Variants in CTDSP2 observed in about 807,000 individuals in gnomAD.
The protein encoded by CTDSP2 is CTD small phosphatase 2.
A neutral mutation model predicts 31.6 loss-of-function variants in CTDSP2; 9 were observed. That is an observed-to-expected ratio of 0.28 (90% CI 0.17 to 0.50). CTDSP2 has a LOEUF of 0.50. Ranked by LOEUF, CTDSP2 falls within the 20% of genes least tolerant of loss-of-function variation. The probability of loss-of-function intolerance (pLI) is 0.98; values close to 1 mark genes in which losing one functional copy is unlikely to be tolerated. For synonymous variants in CTDSP2, 134 were observed against 134.5 expected, an observed-to-expected ratio of 1.00 and a Z score of 0.03; for missense variants, 267 against 348.5, an observed-to-expected ratio of 0.77 and a Z score of 1.86.
rs1956230999 is a variant in CTDSP2 at position 57,833,874 on chromosome 12, G to A, written c.65-4278C>T. ...GCCATGTTTACTGAGCATCAAGGATGTGCCAGGTCTGCGTTAGACACTTGA... is the reference window on the plus strand; with the variant it reads ...GCCATGTTTACTGAGCATCAAGGATATGCCAGGTCTGCGTTAGACACTTGA... On this transcript the variant is annotated intron_variant, in intron 1 of 7. Coordinates refer to ENST00000398073, the MANE Select transcript of CTDSP2 (RefSeq NM_005730.4). 2.0e-5 allele frequency among the ~76,000 whole-genome samples: 3 copies of A among 152,238 alleles called. No individual in the cohort carries two copies. In the South Asian group the frequency reaches 6.2e-4, roughly 31 times the overall value.
chr12:57,824,205 C>G (rs772702512), intron 6 of CTDSP2, 22 bp downstream of exon 6: 2 of 1,612,552 alleles, frequency 1.2e-6, no homozygotes, highest in South Asian at 1.1e-5. Context: ...ACTCCTGGTT[C>G]TTCCCTCTCA....
chr12:57,839,236 A>C (rs1182144857), intron 1 of CTDSP2, among the ~76,000 whole-genome samples: 1 of 152,214 alleles, frequency 6.6e-6, no homozygotes, highest in Non-Finnish European at 1.5e-5. Context: ...GTACTGATCT[A>C]GAAGTCAGGA....
rs1595182843 is a variant in CTDSP2, at chr12:57,821,152, A to G, written c.*2450T>C. The G allele has an allele frequency of 6.6e-6, 1 of 152,282 alleles. No individual in the cohort carries two copies. Among genetic ancestry groups the G allele is most frequent in the Non-Finnish European group, 1.5e-5 (1 of 68,078 alleles). 9.4% of individuals were successfully genotyped at this position (152,282 alleles called of 1,614,324 possible). A position where few individuals can be genotyped will look rare whatever the true frequency, so the allele number is the denominator to read the frequency against. On this transcript the variant is annotated 3_prime_UTR_variant, in exon 8 of 8. Coordinates refer to ENST00000398073, the MANE Select transcript of CTDSP2 (RefSeq NM_005730.4). Reference sequence around the variant, plus strand: ...ACGGTGAAACTGGAAACCCGACAGCAAATAATGACTAGGCTGGCTCTGGTC... The same window carrying G: ...ACGGTGAAACTGGAAACCCGACAGCGAATAATGACTAGGCTGGCTCTGGTC...
rs544583375 is a variant in CTDSP2, at chr12:57,822,262, G to A, written c.*1340C>T. 4.6e-5 allele frequency: 7 copies of A among 152,486 alleles called. No individual in the cohort carries two copies. The South Asian group carries it at 1.0e-3, about 23-fold the overall frequency. The allele number at this position is 152,486 out of a possible 1,614,324, so 9.4% of individuals were successfully genotyped here. A position where few individuals can be genotyped will look rare whatever the true frequency, so the allele number is the denominator to read the frequency against. On this transcript the variant is annotated 3_prime_UTR_variant, in exon 8 of 8. Coordinates refer to ENST00000398073, the MANE Select transcript of CTDSP2 (RefSeq NM_005730.4). ...TCCACCCTGGGAAAACTTCCATTTC[G>A]TGATGACTTTAATTTTAAAGCATTC...
Position 57,827,596 on chromosome 12 carries a change from G to A in CTDSP2, c.214-6C>T, listed in dbSNP as rs748309529. Reference sequence around the variant, plus strand: ...AGACACTGGAGCAGATCCGACTGAGGAAGAGAAGGAGGTGGTCAGTGCCAT... The same window carrying A: ...AGACACTGGAGCAGATCCGACTGAGAAAGAGAAGGAGGTGGTCAGTGCCAT... On this transcript the variant is annotated splice_polypyrimidine_tract_variant and splice_region_variant and intron_variant, in intron 2 of 7. Coordinates refer to ENST00000398073, the MANE Select transcript of CTDSP2 (RefSeq NM_005730.4). 2.5e-6 allele frequency: 4 copies of A among 1,613,880 alleles called. No homozygotes were observed. The highest frequency in any genetic ancestry group is 2.2e-5 in the East Asian group (1 of 44,878).
intron 5 of CTDSP2, chr12:57,824,585 C>G (rs1956171221): frequency 3.1e-6 from 2 of 643,968 alleles, no homozygotes; most frequent in Middle Eastern, 3.9e-4. Flanking sequence ...CAGGAGCCAT[C>G]TCTGTTTCCG....
rs1238723054 is a variant in CTDSP2 at position 57,823,458 on chromosome 12, G to T, written c.*144C>A. The T allele has an allele frequency of 5.3e-6, 5 of 945,002 alleles. No individual in the cohort carries two copies. The highest frequency in any genetic ancestry group is 7.9e-6 in the Non-Finnish European group (5 of 634,346). 58.5% of individuals were successfully genotyped at this position (945,002 alleles called of 1,614,324 possible). On this transcript the variant is annotated 3_prime_UTR_variant, in exon 8 of 8. Transcript: ENST00000398073. ...CATTCGCCCACTCGGCATCTAAGCTGTCCTAAAGCTCTTTCCAGTTACTTC... is the reference window on the plus strand; with the variant it reads ...CATTCGCCCACTCGGCATCTAAGCTTTCCTAAAGCTCTTTCCAGTTACTTC...
intron 5 of CTDSP2, chr12:57,824,555 G>A: frequency 1.5e-6 from 1 of 668,284 alleles, no homozygotes. Context: ...GGCTCAGGAA[G>A]AAGCGCACAC....
intron 1 of CTDSP2, among the ~76,000 whole-genome samples, chr12:57,839,770 T>A (rs1956271585): frequency 6.6e-6 from 1 of 152,040 alleles, no homozygotes; most frequent in Admixed American, 6.5e-5. Context: ...TGGCTGACAC[T>A]AGCCATGTAC....
At chr12:57,827,512 A>G (rs925316523) in intron 3 of CTDSP2, 40 bp downstream of exon 3, 1 of 1,610,894 alleles carries the variant, frequency 6.2e-7, no homozygotes, top group Non-Finnish European at 8.5e-7. Flanking sequence ...GGATCACAGG[A>G]TCCTGGCTTC....
intron 1 of CTDSP2, among the ~76,000 whole-genome samples, chr12:57,838,173 G>A (rs1956259344): frequency 6.6e-6 from 1 of 152,126 alleles, no homozygotes; most frequent in African/African-American, 2.4e-5. Context: ...CAGAGGAGGC[G>A]TTTCCTCATA....
At chr12:57,837,691 AAAAT>A (rs1159978155) in intron 1 of CTDSP2, among the ~76,000 whole-genome samples, 7 of 152,084 alleles carry the variant, frequency 4.6e-5, no homozygotes, top group Non-Finnish European at 1.0e-4. Flanking sequence ...ACTCTGTCTC[AAAAT>A]AAATAAATAA....
intron 5 of CTDSP2, among the ~76,000 whole-genome samples, chr12:57,824,880 C>T (rs1052075360): frequency 9.2e-5 from 14 of 152,314 alleles, no homozygotes; most frequent in South Asian, 6.2e-4. Context: ...ACACCTTTGT[C>T]CACCCTTACG....
chr12:57,834,377 C>T (rs1253312230), intron 1 of CTDSP2, among the ~76,000 whole-genome samples: 1 of 152,188 alleles, frequency 6.6e-6, no homozygotes. Flanking sequence ...GGTCTAGCCC[C>T]TACCCCTTGC....
At position 57,846,532 on chromosome 12, in the gene CTDSP2, T is replaced by A. The variant is rs1956318347; in HGVS notation, c.-97A>T. ...GGCCTGGGCGGGGGCCCGCTCCGGCTCCCGAGACTCCGACTTCCACAGCTG... is the reference window on the plus strand; with the variant it reads ...GGCCTGGGCGGGGGCCCGCTCCGGCACCCGAGACTCCGACTTCCACAGCTG... On this transcript the variant is annotated 5_prime_UTR_variant, in exon 1 of 8. Coordinates refer to ENST00000398073, the MANE Select transcript of CTDSP2 (RefSeq NM_005730.4). 1.3e-5 allele frequency: 12 copies of A among 945,824 alleles called. No homozygotes were observed. The highest frequency in any genetic ancestry group is 1.8e-5 in the African/African-American group (1 of 56,128). 58.6% of individuals were successfully genotyped at this position (945,824 alleles called of 1,614,324 possible).
chr12:57,831,173 G>A (rs1171312118), intron 1 of CTDSP2, among the ~76,000 whole-genome samples: 1 of 149,448 alleles, frequency 6.7e-6, no homozygotes, highest in African/African-American at 2.5e-5. Flanking sequence ...AATATCTTTT[G>A]TGCTGGGTGT....
chr12:57,831,753 G>A (rs950018372), intron 1 of CTDSP2, among the ~76,000 whole-genome samples: 4 of 152,186 alleles, frequency 2.6e-5, no homozygotes, highest in African/African-American at 9.7e-5. Context: ...GAAAAGAAAC[G>A]AAAGCAGAAT....
At chr12:57,835,458 C>T (rs1046718438) in intron 1 of CTDSP2, among the ~76,000 whole-genome samples, 6 of 152,184 alleles carry the variant, frequency 3.9e-5, no homozygotes, top group African/African-American at 1.4e-4. Context: ...TGCCTGGCCC[C>T]CGTAGGAAAT....
At chr12:57,845,341 GA>G (rs1413134381) in intron 1 of CTDSP2, 1 of 152,414 alleles carries the variant, frequency 6.6e-6, no homozygotes, top group East Asian at 1.9e-4. Context: ...GGCGGAGGGG[GA>G]AAGAGTTTCG....
Sources: gnomAD v4.1 joint callset for allele counts (sites outside exome capture counted in the v4.1 genomes callset) on GRCh38, gnomAD v4.1.1 for gene constraint, MANE v1.5 for transcripts, NCBI Gene and HGNC (gene_info 2026-07-23, HGNC 2026-07-21) for gene names.